Variants in SNTG1 observed in about 807,000 individuals in gnomAD.
SNTG1 encodes gamma-1-syntrophin.
In SNTG1, 39 loss-of-function variants were observed where a neutral mutation model predicts 74.7. The ratio of observed to expected loss-of-function variants is 0.52; its 90% CI spans 0.40 to 0.68. The LOEUF is 0.68. SNTG1 is among the 30% of genes least tolerant of loss of function. The pLI is 0.00. For synonymous variants in SNTG1, 254 were observed against 217.1 expected (o/e 1.17, Z -1.49); for missense variants, 685 against 609.5 (o/e 1.12, Z -1.30).
At chr8:50,587,560 C>A (rs1051240758) in intron 12 of SNTG1, among the ~76,000 whole-genome samples, 1 of 152,188 alleles carries the variant, frequency 6.6e-6, no homozygotes, top group Non-Finnish European at 1.5e-5. Flanking sequence ...CGCAGTGGCT[C>A]ACGCCTGAAA....
chr8:50,251,923 G>A lies in SNTG1; in HGVS notation c.-28+79288G>A, dbSNP rs535169881. Among the ~76,000 whole-genome samples the A allele has an allele frequency of 3.5e-4, 53 of 152,118 alleles. No homozygotes were observed. The Middle Eastern group carries it at 0.01, about 29-fold the overall frequency. ...TGCAGAATTCCAAGTTTTCTTAACTGCATATGGAACATTCTCGAGGGTAGA... is the reference window on the plus strand; with the variant it reads ...TGCAGAATTCCAAGTTTTCTTAACTACATATGGAACATTCTCGAGGGTAGA... On this transcript the variant is annotated intron_variant, in intron 2 of 18. Coordinates refer to ENST00000642720, the MANE Select transcript of SNTG1 (RefSeq NM_018967.5).
At chr8:49,961,640 A>G (rs318893) in intron 1 of SNTG1, among the ~76,000 whole-genome samples, 133,304 of 152,286 alleles carry the variant, frequency 0.88, 58,519 homozygotes, top group East Asian at 1. Flanking sequence ...AAGACTTTCT[A>G]CTATACATTA....
intron 1 of SNTG1, among the ~76,000 whole-genome samples, chr8:50,012,651 C>G (rs1815921469): frequency 6.6e-6 from 1 of 152,028 alleles, no homozygotes; most frequent in African/African-American, 2.4e-5. Context: ...TCACAGTTCC[C>G]TAGAAGAGGT....
intron 2 of SNTG1, among the ~76,000 whole-genome samples, chr8:50,200,678 T>C (rs1178934483): frequency 1.3e-5 from 2 of 152,088 alleles, no homozygotes; most frequent in African/African-American, 4.8e-5. Context: ...TGAGCAAGGA[T>C]ACCTCAACTG....
At chr8:50,539,560 C>CGGTGA (rs2094331679) in intron 11 of SNTG1, among the ~76,000 whole-genome samples, 2 of 152,108 alleles carry the variant, frequency 1.3e-5, no homozygotes, top group African/African-American at 4.8e-5. Flanking sequence ...CATTCCACTG[C>CGGTGA]GGTGATGATG....
intron 15 of SNTG1, among the ~76,000 whole-genome samples, chr8:50,674,844 C>T (rs2095302714): frequency 6.6e-6 from 1 of 152,030 alleles, no homozygotes. Context: ...AGCTATGTCC[C>T]AGAGATTCTT....
At chr8:50,748,560 T>C (rs72645820) in intron 17 of SNTG1, among the ~76,000 whole-genome samples, 15,924 of 152,074 alleles carry the variant, frequency 0.1, 980 homozygotes, top group African/African-American at 0.16. Context: ...TTTGCTTTAT[T>C]GTCCTTCACA....
At chr8:50,470,570 G>A (rs912317918) in intron 8 of SNTG1, among the ~76,000 whole-genome samples, 6 of 152,084 alleles carry the variant, frequency 3.9e-5, no homozygotes, top group South Asian at 2.1e-4. Flanking sequence ...TGTTCCTCCC[G>A]GTGGGTTTGT....
At chr8:49,985,994 C>T (rs1306769684) in intron 1 of SNTG1, among the ~76,000 whole-genome samples, 1 of 152,050 alleles carries the variant, frequency 6.6e-6, no homozygotes, top group East Asian at 1.9e-4. Flanking sequence ...GTGAGATAGG[C>T]TTTATAGAAA....
chr8:50,108,256 A>G (rs2080455125), intron 1 of SNTG1, among the ~76,000 whole-genome samples: 1 of 152,230 alleles, frequency 6.6e-6, no homozygotes, highest in Non-Finnish European at 1.5e-5. Flanking sequence ...AATGAACAGA[A>G]TACTGTTATT....
intron 13 of SNTG1, among the ~76,000 whole-genome samples, chr8:50,623,533 A>G (rs936789338): frequency 5.9e-5 from 9 of 152,100 alleles, no homozygotes; most frequent in South Asian, 2.1e-4. Flanking sequence ...AAGAAATTCA[A>G]TTTCCAGATT....
chr8:50,253,406 A>G (rs901007028), intron 2 of SNTG1, among the ~76,000 whole-genome samples: 2 of 147,156 alleles, frequency 1.4e-5, no homozygotes, highest in Non-Finnish European at 3.0e-5. Context: ...CTGTGCAACA[A>G]GAGTAAAACT....
intron 17 of SNTG1, among the ~76,000 whole-genome samples, chr8:50,742,835 G>A (rs551441848): frequency 6.6e-6 from 1 of 151,884 alleles, no homozygotes; most frequent in Admixed American, 6.6e-5. Flanking sequence ...CAGAAAAAAA[G>A]AGAAGAGACA....
Position 50,121,685 on chromosome 8 carries a change from A to T in SNTG1, c.-102-50876A>T, listed in dbSNP as rs1340092218. On this transcript the variant is annotated intron_variant, in intron 1 of 18. Transcript: ENST00000642720. ...CAATGTGTTACAACTGTACCAAAAA[A>T]ATAGAATGAATTTTAAATCATGAAA... Among the ~76,000 whole-genome samples the T allele has an allele frequency of 2.8e-5, 4 of 141,834 alleles. 2 individuals carry two copies. Among genetic ancestry groups the T allele is most frequent in the African/African-American group, 5.1e-5 (2 of 39,170 alleles). The allele number at this position is 141,834 out of a possible 152,430, so 93.0% of individuals were successfully genotyped here. A position where few individuals can be genotyped will look rare whatever the true frequency, so the allele number is the denominator to read the frequency against.
chr8:50,591,758 C>G (rs1385667945), intron 13 of SNTG1, among the ~76,000 whole-genome samples: 1 of 152,202 alleles, frequency 6.6e-6, no homozygotes, highest in East Asian at 1.9e-4. Context: ...CTGTAGAGAA[C>G]AGCTTTGGAG....
chr8:50,216,218 T>C (rs1356092674), intron 2 of SNTG1, among the ~76,000 whole-genome samples: 9 of 152,208 alleles, frequency 5.9e-5, no homozygotes, highest in Non-Finnish European at 2.9e-5. Flanking sequence ...TAGGAACATT[T>C]GTAAATGACC....
At position 50,567,492 on chromosome 8, in the gene SNTG1, A is replaced by G. The variant is rs540624605; in HGVS notation, c.810+14313A>G. On this transcript the variant is annotated intron_variant, in intron 12 of 18. Transcript: ENST00000642720. ...TGTGTATGTGTATAAATGTATATGT[A>G]TCTATATAGAAATATACATATACAT... is the stretch of plus-strand genomic sequence containing the variant. 3.9e-5 allele frequency among the ~76,000 whole-genome samples: 6 copies of G among 152,200 alleles called. No individual in the cohort carries two copies. In the East Asian group the frequency reaches 7.7e-4, roughly 20 times the overall value.
intron 18 of SNTG1, among the ~76,000 whole-genome samples, chr8:50,787,304 G>T (rs931853634): frequency 5.3e-5 from 8 of 151,662 alleles, no homozygotes; most frequent in Non-Finnish European, 1.0e-4. Context: ...CACTCTATAG[G>T]ATGGTTATAA....
intron 2 of SNTG1, among the ~76,000 whole-genome samples, chr8:50,249,114 A>C (rs2086529522): frequency 6.6e-6 from 1 of 152,114 alleles, no homozygotes; most frequent in Admixed American, 6.6e-5. Context: ...GGAAAATACA[A>C]GCTGGAGACA....
Sources: allele counts gnomAD v4.1 joint callset (sites outside exome capture counted in the v4.1 genomes callset), GRCh38; gene constraint gnomAD v4.1.1; transcripts MANE v1.5; gene names NCBI Gene and HGNC (gene_info 2026-07-23, HGNC 2026-07-21).